PPP4R2: variants seen among roughly 807,000 people sequenced by gnomAD.
PPP4R2 encodes the protein serine/threonine-protein phosphatase 4 regulatory subunit 2.
Under a neutral mutation model 47.2 loss-of-function variants are expected in PPP4R2, and 13 were observed. The ratio of observed to expected loss-of-function variants is 0.28; its 90% CI spans 0.18 to 0.44. The LOEUF (loss-of-function observed/expected upper bound fraction) is 0.44. Among genes scored for constraint, PPP4R2 ranks in the 20% least tolerant of loss-of-function variants. The pLI is 1.00. For missense variants in PPP4R2, 421 were observed against 491.2 expected, an observed-to-expected ratio of 0.86 and a Z score of 1.35; for synonymous variants, 151 against 163.3, an observed-to-expected ratio of 0.92 and a Z score of 0.57.
chr3:73,009,382 T>C (rs532508881), intron 2 of PPP4R2, among the ~76,000 whole-genome samples: 27 of 152,310 alleles, frequency 1.8e-4, no homozygotes, highest in African/African-American at 6.3e-4. Context: ...GTTGTCTATA[T>C]TGCATGAGAA....
chr3:73,066,239 C>CATACATATATATAT lies in PPP4R2; in HGVS notation c.*520_*521insCATATATATATATA, dbSNP rs1553652539. The CATACATATATATAT allele has an allele frequency of 0.016, 2,149 of 134,000 alleles. 29 individuals carry two copies. Among genetic ancestry groups the CATACATATATATAT allele is most frequent in the East Asian group, 0.025 (116 of 4,590 alleles). The allele number at this position is 134,000 out of a possible 1,614,324, so 8.3% of individuals were successfully genotyped here. On this transcript the variant is annotated 3_prime_UTR_variant, in exon 9 of 9. Transcript: ENST00000356692. Reference sequence around the variant, plus strand: ...TGGAACTTTAAGTCATATATACATACATATATATATATATATATATATAAT... The same window carrying CATACATATATATAT: ...TGGAACTTTAAGTCATATATACATACATACATATATATATATATATATATATATATATATATAAT...
intron 2 of PPP4R2, among the ~76,000 whole-genome samples, chr3:73,009,764 A>T (rs770740862): frequency 6.6e-6 from 1 of 152,210 alleles, no homozygotes. Flanking sequence ...GACTAAAACT[A>T]ACAGTGTAGA....
intron 3 of PPP4R2, among the ~76,000 whole-genome samples, chr3:73,051,712 G>A (rs1485851584): frequency 3.3e-5 from 5 of 152,040 alleles, no homozygotes; most frequent in African/African-American, 4.8e-5. Flanking sequence ...TGCAACCTCC[G>A]CCTCCCGGGT....
intron 3 of PPP4R2, among the ~76,000 whole-genome samples, chr3:73,055,725 A>G (rs1968894): frequency 0.74 from 110,172 of 149,734 alleles, 41,587 homozygotes; most frequent in African/African-American, 0.93. Context: ...GCAGTGGCTC[A>G]ATCTCGACTC....
intron 2 of PPP4R2, among the ~76,000 whole-genome samples, chr3:73,012,863 TGCTGTAAGGA>T (rs1701752034): frequency 6.6e-6 from 1 of 151,956 alleles, no homozygotes; most frequent in Non-Finnish European, 1.5e-5. Flanking sequence ...GAGTGTGTCT[TGCTGTAAGGA>T]GCAATCTTAA....
intron 2 of PPP4R2, among the ~76,000 whole-genome samples, chr3:73,042,958 A>G (rs7653383): frequency 0.53 from 80,229 of 151,828 alleles, 21,562 homozygotes; most frequent in African/African-American, 0.62. Context: ...ATTACCTGGG[A>G]TCCCATACCT....
At chr3:73,031,533 CTG>C (rs1702163678) in intron 2 of PPP4R2, among the ~76,000 whole-genome samples, 1 of 148,840 alleles carries the variant, frequency 6.7e-6, no homozygotes, top group South Asian at 2.2e-4. Context: ...CAGAGTGAAA[CTG>C]TGTCTCAAAA....
chr3:73,065,125 T>C lies in PPP4R2; in HGVS notation c.912T>C (p.Asp304=), dbSNP rs767180762. 1.2e-6 allele frequency: 2 copies of C among 1,609,280 alleles called. No homozygotes were observed. Among genetic ancestry groups the C allele is most frequent in the Non-Finnish European group, 8.5e-7 (1 of 1,178,040 alleles). The change falls in exon 8 of 9, where the codon GAT becomes GAC. Residue 304 remains aspartate (D), a synonymous_variant. Transcript: ENST00000356692. ...GTACAGAAGAGGATGAAGAAGAGGA[T>C]GAAGAGGAAGAAGAAGGTATTTAGA... ...QHCTEEDEEE[D]EEEEEESFMT...
chr3:73,032,600 C>T (rs1252116737), intron 2 of PPP4R2, among the ~76,000 whole-genome samples: 2 of 152,114 alleles, frequency 1.3e-5, no homozygotes, highest in African/African-American at 4.8e-5. Context: ...CTTCCTATTT[C>T]TAAGGTACAG....
In PPP4R2 at chr3:73,028,195, T is replaced by G. The variant is rs1346608364; in HGVS notation, c.117-18991T>G. 6.2e-5 allele frequency among the ~76,000 whole-genome samples: 7 copies of G among 112,904 alleles called. No homozygotes were observed. The East Asian group carries it at 3.4e-3, about 55-fold the overall frequency. 74.1% of individuals were successfully genotyped at this position (112,904 alleles called of 152,430 possible). The stretch of plus-strand genomic sequence containing the variant: ...TAGCTTGAACCCAGGAGGTGGAGGT[T>G]GCAGTGAGCTGAGATCACACCACCA... On this transcript the variant is annotated intron_variant, in intron 2 of 8. Transcript: ENST00000356692.
intron 3 of PPP4R2, among the ~76,000 whole-genome samples, chr3:73,056,453 C>T (rs1022178882): frequency 6.6e-6 from 1 of 152,112 alleles, no homozygotes; most frequent in Non-Finnish European, 1.5e-5. Context: ...AATGCTGTTA[C>T]GTTCATTTAT....
At chr3:73,065,252 T>TTG (rs1488963167) in intron 8 of PPP4R2, 111 bp downstream of exon 8, 2 of 1,325,494 alleles carry the variant, frequency 1.5e-6, no homozygotes, top group African/African-American at 3.0e-5. Context: ...AATGCTGATG[T>TTG]TGGGCTTTTC....
At chr3:73,034,374 CT>C (rs1702224601) in intron 2 of PPP4R2, among the ~76,000 whole-genome samples, 1 of 152,200 alleles carries the variant, frequency 6.6e-6, no homozygotes, top group East Asian at 1.9e-4. Flanking sequence ...ACGCAGAACA[CT>C]TGCTGACTAT....
At chr3:73,002,404 A>G (rs1450624369) in intron 2 of PPP4R2, among the ~76,000 whole-genome samples, 1 of 152,020 alleles carries the variant, frequency 6.6e-6, no homozygotes, top group Non-Finnish European at 1.5e-5. Context: ...GATAGGGTAC[A>G]TGCCACGATG....
At chr3:73,052,038 C>CT (rs1274777560) in intron 3 of PPP4R2, among the ~76,000 whole-genome samples, 2 of 151,926 alleles carry the variant, frequency 1.3e-5, no homozygotes, top group Non-Finnish European at 2.9e-5. Context: ...CAAACAAGGC[C>CT]TAGAAGAGTG....
At chr3:73,010,919 C>T (rs1559548648) in intron 2 of PPP4R2, among the ~76,000 whole-genome samples, 1 of 152,114 alleles carries the variant, frequency 6.6e-6, no homozygotes, top group Non-Finnish European at 1.5e-5. Context: ...ATATGCATAA[C>T]CTGATTTAGT....
rs1363743500 is a variant in PPP4R2 at position 73,069,190 on chromosome 3, A to T, written c.*3468A>T. The T allele has an allele frequency of 6.6e-6, 1 of 152,170 alleles. No homozygotes were observed. Among genetic ancestry groups the T allele is most frequent in the African/African-American group, 2.4e-5 (1 of 41,430 alleles). 9.4% of individuals were successfully genotyped at this position (152,170 alleles called of 1,614,324 possible). On this transcript the variant is annotated 3_prime_UTR_variant, in exon 9 of 9. Transcript: ENST00000356692. ...ATTTTCATAATGCAATAAAATATAA[A>T]TTAGAATATTTCTATGTGTGTAATT...
rs1447581244 is a variant in PPP4R2, at chr3:73,066,311, T to C, written c.*589T>C. On this transcript the variant is annotated 3_prime_UTR_variant, in exon 9 of 9. Coordinates refer to ENST00000356692, the MANE Select transcript of PPP4R2 (RefSeq NM_174907.4). ...TTTTTCTGTTTCTATAAGAGATGAATACAGTGGATACTTTTTCTATTGGTA... is the reference window on the plus strand; with the variant it reads ...TTTTTCTGTTTCTATAAGAGATGAACACAGTGGATACTTTTTCTATTGGTA... 2.0e-5 allele frequency: 3 copies of C among 150,110 alleles called. No homozygotes were observed. Among genetic ancestry groups the C allele is most frequent in the African/African-American group, 4.9e-5 (2 of 41,024 alleles). The allele number at this position is 150,110 out of a possible 1,614,324, so 9.3% of individuals were successfully genotyped here.
intron 2 of PPP4R2, among the ~76,000 whole-genome samples, chr3:73,032,678 C>G (rs1417049804): frequency 6.6e-6 from 1 of 152,124 alleles, no homozygotes; most frequent in Admixed American, 6.5e-5. Flanking sequence ...TGTCTGATTT[C>G]TTAGTAATGA....
Sources: allele counts gnomAD v4.1 joint callset (sites outside exome capture counted in the v4.1 genomes callset), GRCh38; gene constraint gnomAD v4.1.1; transcripts MANE v1.5; gene names NCBI Gene and HGNC (gene_info 2026-07-23, HGNC 2026-07-21).